Variants in RNGTT observed in about 807,000 individuals in gnomAD.
RNGTT encodes mRNA-capping enzyme.
Under a neutral mutation model 79.3 loss-of-function variants are expected in RNGTT, and 33 were observed. The ratio of observed to expected loss-of-function variants is 0.42; its 90% CI spans 0.32 to 0.56. The LOEUF is 0.56. Among genes scored for constraint, RNGTT ranks in the 20% least tolerant of loss-of-function variants. The pLI is 0.17. For missense variants in RNGTT, 497 were observed against 739.1 expected, an observed-to-expected ratio of 0.67 and a Z score of 3.80; for synonymous variants, 222 against 235.9, an observed-to-expected ratio of 0.94 and a Z score of 0.54.
chr6:88,844,621 A>G (rs1781428026), intron 10 of RNGTT, 100 bp from the exon 11 acceptor site: 32 of 1,126,156 alleles, frequency 2.8e-5, no homozygotes, highest in Admixed American at 4.6e-5. Flanking sequence ...CTGTGTAAAC[A>G]GCATCCTCTG....
At chr6:88,922,873 C>T (rs994060349) in intron 4 of RNGTT, among the ~76,000 whole-genome samples, 1 of 152,106 alleles carries the variant, frequency 6.6e-6, no homozygotes, top group Non-Finnish European at 1.5e-5. Context: ...CTCAAGTGTC[C>T]CTGATTCGCT....
chr6:88,874,421 A>T (rs1186880821), intron 8 of RNGTT, among the ~76,000 whole-genome samples: 1 of 152,092 alleles, frequency 6.6e-6, no homozygotes, highest in Non-Finnish European at 1.5e-5. Context: ...ATTTTCCCAA[A>T]AGTTTTATTT....
intron 13 of RNGTT, among the ~76,000 whole-genome samples, chr6:88,738,973 T>C (rs1777377440): frequency 6.6e-6 from 1 of 152,074 alleles, no homozygotes; most frequent in South Asian, 2.1e-4. Flanking sequence ...AAAATAATTA[T>C]ATCTTAAAAT....
intron 14 of RNGTT, among the ~76,000 whole-genome samples, chr6:88,676,220 T>C (rs1271139131): frequency 6.6e-6 from 1 of 152,150 alleles, no homozygotes; most frequent in African/African-American, 2.4e-5. Flanking sequence ...CATAGGTCAA[T>C]GGAATGGAAG....
intron 13 of RNGTT, among the ~76,000 whole-genome samples, chr6:88,761,837 G>A (rs1778269257): frequency 6.6e-6 from 1 of 152,128 alleles, no homozygotes; most frequent in Non-Finnish European, 1.5e-5. Flanking sequence ...TCTTCCAACA[G>A]TTTTTCAAAG....
intron 4 of RNGTT, among the ~76,000 whole-genome samples, chr6:88,925,809 G>A (rs996696192): frequency 1.3e-5 from 2 of 152,032 alleles, no homozygotes; most frequent in Non-Finnish European, 2.9e-5. Context: ...GGAGTTCGAG[G>A]CTGTAGTGTG....
At chr6:88,664,213 G>A (rs764279042) in intron 14 of RNGTT, among the ~76,000 whole-genome samples, 1 of 152,142 alleles carries the variant, frequency 6.6e-6, no homozygotes, top group Non-Finnish European at 1.5e-5. Context: ...GAGCCCAAAA[G>A]GCCACAAACG....
intron 13 of RNGTT, among the ~76,000 whole-genome samples, chr6:88,705,523 T>A (rs1373486341): frequency 6.6e-6 from 1 of 152,152 alleles, no homozygotes; most frequent in East Asian, 1.9e-4. Context: ...GAAGGATTCC[T>A]ATAAATGAGA....
At chr6:88,940,958 C>T (rs1784825699) in intron 2 of RNGTT, 113 bp downstream of exon 2, 8 of 580,938 alleles carry the variant, frequency 1.4e-5, no homozygotes, top group South Asian at 2.6e-5. Context: ...ACTGCAACTT[C>T]CCTTGAGTCT....
chr6:88,842,788 T>G (rs1235041457), intron 11 of RNGTT, among the ~76,000 whole-genome samples: 1 of 152,034 alleles, frequency 6.6e-6, no homozygotes, highest in Non-Finnish European at 1.5e-5. Flanking sequence ...AATGAACTTT[T>G]CAGCCAGGCA....
intron 13 of RNGTT, among the ~76,000 whole-genome samples, chr6:88,695,827 A>G (rs1472409392): frequency 6.6e-6 from 1 of 152,234 alleles, no homozygotes; most frequent in African/African-American, 2.4e-5. Context: ...CCTTTAAAGA[A>G]AGATATTCTG....
intron 13 of RNGTT, among the ~76,000 whole-genome samples, chr6:88,734,209 G>A (rs974984229): frequency 1.3e-5 from 2 of 152,004 alleles, no homozygotes; most frequent in African/African-American, 4.8e-5. Context: ...TCTGTTACAA[G>A]GCACAAGCAC....
At chr6:88,864,247 A>T (rs1782099371) in intron 8 of RNGTT, among the ~76,000 whole-genome samples, 1 of 152,126 alleles carries the variant, frequency 6.6e-6, no homozygotes, top group South Asian at 2.1e-4. Flanking sequence ...GGTGAAAGAG[A>T]AGCATACAGG....
intron 14 of RNGTT, chr6:88,678,085 T>C (rs2756405): frequency 0.2 from 59,294 of 301,742 alleles, 11,264 homozygotes; most frequent in African/African-American, 0.64. Context: ...TCATGGGGCT[T>C]AAGTGATCTT....
chr6:88,788,400 A>G (rs1779299426), intron 12 of RNGTT, among the ~76,000 whole-genome samples: 1 of 152,200 alleles, frequency 6.6e-6, no homozygotes, highest in African/African-American at 2.4e-5. Context: ...AGATGCCATA[A>G]AAGAAAGTAT....
chr6:88,917,274 C>T (rs1323974545), intron 4 of RNGTT, among the ~76,000 whole-genome samples: 1 of 151,946 alleles, frequency 6.6e-6, no homozygotes, highest in Non-Finnish European at 1.5e-5. Context: ...AATAAAATGA[C>T]CATTAATATT....
chr6:88,865,368 T>A (rs929708460), intron 8 of RNGTT, among the ~76,000 whole-genome samples: 1 of 151,926 alleles, frequency 6.6e-6, no homozygotes, highest in African/African-American at 2.4e-5. Context: ...AAACCCTGAA[T>A]AAAACAGAAA....
Position 88,647,715 on chromosome 6 carries a change from A to AAAAAAAAAAAAAAAAAAAGAAAAAAGAAG in RNGTT, c.1506+30637_1506+30638insCTTCTTTTTTCTTTTTTTTTTTTTTTTTT, listed in dbSNP as rs531898293. Among the ~76,000 whole-genome samples, 395 of 142,292 alleles carry AAAAAAAAAAAAAAAAAAAGAAAAAAGAAG rather than the reference A, an allele frequency of 2.8e-3. 10 individuals carry two copies. The highest frequency in any genetic ancestry group is 0.011 in the African/African-American group (371 of 32,946). The allele number at this position is 142,292 out of a possible 152,430, so 93.3% of individuals were successfully genotyped here. A position where few individuals can be genotyped will look rare whatever the true frequency, so the allele number is the denominator to read the frequency against. On this transcript the variant is annotated intron_variant, in intron 14 of 15. Transcript: ENST00000369485. ...CGACACCCTGTTAAAAAAAAAAAAA[A>AAAAAAAAAAAAAAAAAAAGAAAAAAGAAG]AAGAAGAAGAAGAAAAGAAGGAAGG...
intron 1 of RNGTT, among the ~76,000 whole-genome samples, chr6:88,946,544 T>C (rs955065161): frequency 1.3e-5 from 2 of 152,146 alleles, no homozygotes; most frequent in African/African-American, 4.8e-5. Context: ...AGAAGGTACA[T>C]TGAAAGCCCA....
Sources: gnomAD v4.1 joint callset for allele counts (sites outside exome capture counted in the v4.1 genomes callset) on GRCh38, gnomAD v4.1.1 for gene constraint, MANE v1.5 for transcripts, NCBI Gene and HGNC (gene_info 2026-07-23, HGNC 2026-07-21) for gene names.